CR1: variants seen among roughly 807,000 people sequenced by gnomAD.
CR1 encodes the protein complement C3b/C4b receptor 1 (Knops blood group), also known as complement receptor type 1.
CR1 carries 116 observed loss-of-function variants against 187.3 expected under a neutral mutation model. The ratio of observed to expected loss-of-function variants is 0.62; its 90% CI spans 0.53 to 0.72. The LOEUF (loss-of-function observed/expected upper bound fraction) is 0.72, where lower values mean the gene tolerates loss of function less well. Ranked by LOEUF, CR1 falls within the 30% of genes least tolerant of loss-of-function variation. The pLI, the probability that CR1 is intolerant of heterozygous loss-of-function variation, is 0.00. For synonymous variants in CR1, 576 were observed against 747.1 expected, an observed-to-expected ratio of 0.77 and a Z score of 3.73; for missense variants, 1,731 against 2,110.7, an observed-to-expected ratio of 0.82 and a Z score of 3.52.
intron 3 of CR1, among the ~76,000 whole-genome samples, chr1:207,508,594 A>G (rs1320355718): frequency 6.6e-6 from 1 of 152,230 alleles, no homozygotes; most frequent in Non-Finnish European, 1.5e-5. Flanking sequence ...CTGTTTCAAT[A>G]TCTTAATGTT....
chr1:207,575,708 C>T, intron 28 of CR1, 28 bp downstream of exon 28: 4 of 1,611,658 alleles, frequency 2.5e-6, no homozygotes, highest in Non-Finnish European at 2.5e-6. Context: ...TCCCCATTCA[C>T]CCCACCATTG....
chr1:207,616,454 A>T (rs184411770), intron 40 of CR1, 121 bp from the exon 41 acceptor site: 2 of 1,212,196 alleles, frequency 1.6e-6, no homozygotes, highest in Non-Finnish European at 2.3e-6. Context: ...AATTCCGTCT[A>T]CCTTAGTTAT....
Position 207,565,384 on chromosome 1 carries a change from T to C in CR1, c.3867-454T>C, listed in dbSNP as rs1157125850. Among the ~76,000 whole-genome samples, 2 of 150,506 alleles carry C rather than the reference T, an allele frequency of 1.3e-5. 1 individual carries two copies. Among genetic ancestry groups the C allele is most frequent in the Non-Finnish European group, 2.9e-5 (2 of 68,002 alleles). ...CTTCACGCCATCACAGATGTGGAGA[T>C]GAAAGGACAATCTCTGTTCTCTCGC... On this transcript the variant is annotated intron_variant, in intron 23 of 46. Transcript: ENST00000367049.
chr1:207,607,588 T>C (rs899772921), intron 36 of CR1, among the ~76,000 whole-genome samples: 2 of 152,196 alleles, frequency 1.3e-5, no homozygotes, highest in Non-Finnish European at 2.9e-5. Context: ...ATAGAGAGTG[T>C]TGTCCTTAAT....
At chr1:207,626,915 G>A (rs1662495522) in intron 45 of CR1, among the ~76,000 whole-genome samples, 1 of 152,188 alleles carries the variant, frequency 6.6e-6, no homozygotes, top group South Asian at 2.1e-4. Context: ...GCACATGCCT[G>A]TAGTCCCAGC....
intron 46 of CR1, 121 bp from the exon 47 acceptor site, chr1:207,639,276 G>T: frequency 2.3e-6 from 2 of 854,614 alleles, no homozygotes; most frequent in Non-Finnish European, 1.8e-6. Context: ...TCCTCCTAAA[G>T]CAACTCCTGT....
intron 40 of CR1, among the ~76,000 whole-genome samples, chr1:207,615,639 A>C (rs932412684): frequency 6.6e-6 from 1 of 152,224 alleles, no homozygotes; most frequent in African/African-American, 2.4e-5. Context: ...GATTATTAGA[A>C]AATGTTTATT....
At chr1:207,515,196 C>A (rs1659762979) in intron 4 of CR1, among the ~76,000 whole-genome samples, 1 of 129,930 alleles carries the variant, frequency 7.7e-6, no homozygotes, top group Non-Finnish European at 1.5e-5. Context: ...CGTATATATA[C>A]ATATACATAT....
chr1:207,580,498 T>C lies in CR1; in HGVS notation c.5114-13T>C. On this transcript the variant is annotated splice_polypyrimidine_tract_variant and intron_variant, in intron 30 of 46. Transcript: ENST00000367049. ...ACTCCTATTTTTTCTTTTTTTTTTT[T>C]TTCTTCTTCTAGTGAAATCCTGTGA... 6.3e-7 allele frequency: 1 copy of C among 1,590,678 alleles called. No homozygotes were observed. Among genetic ancestry groups the C allele is most frequent in the Non-Finnish European group, 8.5e-7 (1 of 1,173,562 alleles).
chr1:207,584,175 A>G (rs1661041264), intron 32 of CR1, among the ~76,000 whole-genome samples: 1 of 152,178 alleles, frequency 6.6e-6, no homozygotes, highest in African/African-American at 2.4e-5. Flanking sequence ...AGAAAAATTA[A>G]ATCACTGATA....
chr1:207,496,423 CG>C (rs1240928615), intron 1 of CR1, 35 bp downstream of exon 1: 1 of 1,574,980 alleles, frequency 6.3e-7, no homozygotes, highest in Admixed American at 1.9e-5. Flanking sequence ...GGCGCCCGGG[CG>C]GACGAGGAAC....
At chr1:207,621,893 G>C in intron 43 of CR1, 80 bp from the exon 44 acceptor site, 3 of 1,177,888 alleles carry the variant, frequency 2.5e-6, no homozygotes, top group Non-Finnish European at 3.6e-6. Context: ...AAATCAGGAT[G>C]ACTTGTCACT....
chr1:207,617,608 TATATAGAGAG>T (rs1169217036), intron 41 of CR1, among the ~76,000 whole-genome samples: 17 of 12,222 alleles, frequency 1.4e-3, no homozygotes, highest in East Asian at 2.9e-3. Context: ...TATATATATA[TATATAGAGAG>T]AGAGAGAGAG....
chr1:207,577,301 T>C (rs1660782275), intron 28 of CR1, among the ~76,000 whole-genome samples: 1 of 151,598 alleles, frequency 6.6e-6, no homozygotes, highest in African/African-American at 2.4e-5. Flanking sequence ...AATACATGGA[T>C]ACATTTAGTG....
intron 34 of CR1, among the ~76,000 whole-genome samples, chr1:207,588,451 G>A (rs79624106): frequency 4.6e-5 from 7 of 152,304 alleles, no homozygotes; most frequent in Admixed American, 6.5e-5. Context: ...GATTACAGGC[G>A]AGAGCCCATA....
chr1:207,511,572 C>T lies in CR1; in HGVS notation c.405C>T (p.Tyr135=). 1 of 1,613,046 alleles carries T rather than the reference C, an allele frequency of 6.2e-7. No homozygotes were observed. Among genetic ancestry groups the T allele is most frequent in the Admixed American group, 1.7e-5 (1 of 59,980 alleles). ...ATTCCTTATTTTTTGCCTCTAGATACCGACTCATTGGTTCCTCGTCTGCCA... is the reference window on the plus strand; with the variant it reads ...ATTCCTTATTTTTTGCCTCTAGATATCGACTCATTGGTTCCTCGTCTGCCA... ...SQIKYSCTKG[Y]RLIGSSSATC... The change falls in exon 4 of 47, where the codon TAC becomes TAT. Residue 135 remains tyrosine, a synonymous_variant. Coordinates refer to ENST00000367049, the MANE Select transcript of CR1 (RefSeq NM_000651.6).
Position 207,640,309 on chromosome 1 carries a change from G to C in CR1, c.*900G>C, listed in dbSNP as rs1662945201. ...GCCAACACGCCCGGCTAATTTTTTT[G>C]TATTTTTAGTAGAGACGGGGTTTCA... On this transcript the variant is annotated 3_prime_UTR_variant, in exon 47 of 47. Transcript: ENST00000367049. 1 of 152,108 alleles carries C rather than the reference G, an allele frequency of 6.6e-6. No individual in the cohort carries two copies. The allele number at this position is 152,108 out of a possible 1,614,324, so 9.4% of individuals were successfully genotyped here.
intron 4 of CR1, among the ~76,000 whole-genome samples, chr1:207,518,016 T>G (rs1390675850): frequency 6.6e-6 from 1 of 152,206 alleles, no homozygotes; most frequent in Admixed American, 6.5e-5. Context: ...TTAAGCTTTG[T>G]GTATTCCTCC....
At chr1:207,613,167 G>A (rs777562637) in intron 39 of CR1, among the ~76,000 whole-genome samples, 4 of 152,188 alleles carry the variant, frequency 2.6e-5, no homozygotes, top group African/African-American at 4.8e-5. Flanking sequence ...AGAAGGGTGA[G>A]GAGGGTGGAG....
Sources: allele counts gnomAD v4.1 joint callset (sites outside exome capture counted in the v4.1 genomes callset), GRCh38; gene constraint gnomAD v4.1.1; transcripts MANE v1.5; gene names NCBI Gene and HGNC (gene_info 2026-07-23, HGNC 2026-07-21).